PTPRS: variants seen among roughly 807,000 people sequenced by gnomAD.
The protein encoded by PTPRS is receptor-type tyrosine-protein phosphatase S.
A neutral mutation model predicts 215.3 loss-of-function variants in PTPRS; 63 were observed. That is an observed-to-expected ratio of 0.29 (90% confidence interval 0.24 to 0.36). PTPRS has a LOEUF of 0.36. PTPRS is among the 10% of genes least tolerant of loss of function. The pLI, the probability that PTPRS is intolerant of heterozygous loss-of-function variation, is 1.00. For synonymous variants in PTPRS, 1,404 were observed against 1,191.4 expected, an observed-to-expected ratio of 1.18 and a Z score of -3.68; for missense variants, 2,258 against 2,825.8, an observed-to-expected ratio of 0.80 and a Z score of 4.56.
chr19:5,229,226 A>G (rs2042787624), intron 16 of PTPRS, 90 bp downstream of exon 16: 1 of 1,270,610 alleles, frequency 7.9e-7, no homozygotes, highest in Non-Finnish European at 1.0e-6. Context: ...CCGTTTTACT[A>G]CTGATGATAA....
At chr19:5,290,035 G>A (rs771995369) in intron 1 of PTPRS, among the ~76,000 whole-genome samples, 5 of 152,218 alleles carry the variant, frequency 3.3e-5, no homozygotes, top group Non-Finnish European at 5.9e-5. Flanking sequence ...TAAATGACAC[G>A]GCTGTTAGGA....
intron 16 of PTPRS, among the ~76,000 whole-genome samples, chr19:5,226,443 G>A (rs2042505981): frequency 6.6e-6 from 1 of 152,138 alleles, no homozygotes. Context: ...AAATTAAACT[G>A]TACGAGGCTG....
chr19:5,264,163 T>C (rs925762770), intron 5 of PTPRS, among the ~76,000 whole-genome samples: 2 of 36,676 alleles, frequency 5.5e-5, no homozygotes, highest in Non-Finnish European at 1.9e-4. Flanking sequence ...AGCCCCGCCA[T>C]CACCTCTTAC....
At chr19:5,331,849 A>T (rs1325644965) in intron 1 of PTPRS, among the ~76,000 whole-genome samples, 2 of 152,246 alleles carry the variant, frequency 1.3e-5, no homozygotes, top group Non-Finnish European at 2.9e-5. Context: ...ATATTAATAT[A>T]ATCAGAGCCA....
In PTPRS at chr19:5,210,841, G is replaced by C. The variant is rs534373091; in HGVS notation, c.5235-36C>G. 33 of 1,603,226 alleles carry C rather than the reference G, an allele frequency of 2.1e-5. No individual in the cohort carries two copies. The highest frequency in any genetic ancestry group is 2.8e-5 in the Non-Finnish European group (33 of 1,176,598). ...TGGGGGTATGAGCCCAGGGCCGGCA[G>C]GGAGACCCGGCGTGGTACTCACCTG... On this transcript the variant is annotated intron_variant, in intron 33 of 37. Transcript: ENST00000262963. The surrounding 1 kb of genome is among the most constrained non-coding windows in gnomAD (Gnocchi z 4.5).
intron 25 of PTPRS, among the ~76,000 whole-genome samples, chr19:5,217,939 G>A (rs2041632843): frequency 6.6e-6 from 1 of 152,118 alleles, no homozygotes; most frequent in African/African-American, 2.4e-5. Context: ...ATGAACCCTG[G>A]CAGCCATGGT....
chr19:5,256,006 G>T, intron 9 of PTPRS, 102 bp downstream of exon 9: 1 of 879,484 alleles, frequency 1.1e-6, no homozygotes, highest in Non-Finnish European at 1.7e-6. Context: ...GTGTGTCAGC[G>T]TGTGTCCGTG....
intron 1 of PTPRS, among the ~76,000 whole-genome samples, chr19:5,297,474 A>G (rs1600062869): frequency 6.6e-6 from 1 of 152,052 alleles, no homozygotes; most frequent in Non-Finnish European, 1.5e-5. Context: ...TGGAACCAGC[A>G]CTCCTGCCCC....
chr19:5,281,199 G>A (rs1223132314), intron 2 of PTPRS, among the ~76,000 whole-genome samples: 1 of 151,830 alleles, frequency 6.6e-6, no homozygotes, highest in Non-Finnish European at 1.5e-5. Context: ...GGTAGCTCAC[G>A]CCTGTAATCC....
rs1476413127 is a variant in PTPRS, at chr19:5,210,584, T to A, written c.5372A>T (p.His1791Leu). ...AGAGCGCTCGGCCGGCCAGTACTGG[T>A]GACACTTCTCCTGTGGAGGAGATGG... ...KLREMGREKC[H>L]QYWPAERSAR... The change falls in exon 35 of 38, where the codon CAC becomes CTC. Residue 1791 changes from histidine (H) to leucine (L), a missense_variant. His to Leu is a moderately conservative substitution (Grantham distance 99). Transcript: ENST00000262963. The surrounding 1 kb of genome is among the most constrained non-coding windows in gnomAD (Gnocchi z 4.5). The A allele has an allele frequency of 5.0e-6, 8 of 1,614,054 alleles. No homozygotes were observed. In the African/African-American group the frequency reaches 1.1e-4, roughly 22 times the overall value.
In PTPRS at chr19:5,222,697, C is replaced by A; in HGVS notation, c.3095G>T (p.Arg1032Leu). 4.4e-6 allele frequency: 7 copies of A among 1,585,738 alleles called. No homozygotes were observed. Among genetic ancestry groups the A allele is most frequent in the South Asian group, 1.1e-5 (1 of 89,842 alleles). Reference sequence around the variant, plus strand: ...GGTCGCCGCGCGCCTACCTTGGTCCCGCAGGAACGTCCGGTAGCGGACGGG... The same window carrying A: ...GGTCGCCGCGCGCCTACCTTGGTCCAGCAGGAACGTCCGGTAGCGGACGGG... ...SPPVRYRTFL[R>L]DQVSPKNFKV... Residue 1032 changes from arginine to leucine, a missense_variant, in exon 18 of 38, where the codon CGG (arginine) becomes CTG (leucine). By Grantham distance (102) the Arg-to-Leu change is moderately radical. This residue lies in a region of PTPRS where 361 missense variants were observed against 332.6 expected (regional missense o/e 1.09). Coordinates refer to ENST00000262963, the MANE Select transcript of PTPRS (RefSeq NM_002850.4).
intron 3 of PTPRS, 113 bp from the exon 4 acceptor site, chr19:5,273,696 G>A (rs1454844051): frequency 4.7e-6 from 6 of 1,276,428 alleles, no homozygotes; most frequent in Non-Finnish European, 6.5e-6. Context: ...CCATGATCCT[G>A]GGGGTGACTG....
intron 11 of PTPRS, among the ~76,000 whole-genome samples, chr19:5,240,991 G>C (rs2043994566): frequency 1.4e-5 from 2 of 144,856 alleles, no homozygotes; most frequent in Admixed American, 1.4e-4. Flanking sequence ...CAGGGTTCAA[G>C]TGATTCACCT....
rs112838146 is a variant in PTPRS at position 5,277,427 on chromosome 19, G to A, written c.92-3083C>T. The stretch of plus-strand genomic sequence containing the variant: ...TCCCAGCACTCTGGGAGACTGAGGT[G>A]GGTGGATCACGAGGTCAGGAGATCG... On this transcript the variant is annotated intron_variant, in intron 2 of 37. Coordinates refer to ENST00000262963, the MANE Select transcript of PTPRS (RefSeq NM_002850.4). 8.1e-3 allele frequency among the ~76,000 whole-genome samples: 1,226 copies of A among 152,142 alleles called. 6 individuals are homozygous for A. The highest frequency in any genetic ancestry group is 0.013 in the Non-Finnish European group (864 of 67,998).
In PTPRS at chr19:5,222,794, G is replaced by A. The variant is rs1321724793; in HGVS notation, c.2998C>T (p.Leu1000=). 3 of 1,598,562 alleles carry A rather than the reference G, an allele frequency of 1.9e-6. No homozygotes were observed. The highest frequency in any genetic ancestry group is 2.5e-6 in the Non-Finnish European group (3 of 1,178,574). The change falls in exon 18 of 38, where the codon CTG becomes TTG. Residue 1000 remains leucine (L), a synonymous_variant. Transcript: ENST00000262963. ...GAENALTLQG[L]KPDTAYDLQV... is the part of the protein sequence containing the mutation. Reference sequence around the variant, plus strand: ...AGGTCATAGGCCGTGTCGGGCTTCAGGCCCTGCAGCGTGAGCGCGTTCTCC... The same window carrying A: ...AGGTCATAGGCCGTGTCGGGCTTCAAGCCCTGCAGCGTGAGCGCGTTCTCC...
rs1261770115 is a variant in PTPRS, at chr19:5,205,652, G to C, written c.*1122C>G. On this transcript the variant is annotated 3_prime_UTR_variant, in exon 38 of 38. Transcript: ENST00000262963. ...CAAAGAGGAACAACTCGCTTGCTCA[G>C]GGTAGGCGGGTAGAGGGGGGCCTGT... Among the ~76,000 whole-genome samples the C allele has an allele frequency of 6.6e-6, 1 of 152,230 alleles. No homozygotes were observed.
chr19:5,255,831 C>T (rs1015325522), intron 9 of PTPRS, among the ~76,000 whole-genome samples: 2 of 152,238 alleles, frequency 1.3e-5, no homozygotes, highest in African/African-American at 4.8e-5. Flanking sequence ...ATGCAAGCAT[C>T]GCATGTGTGC....
intron 16 of PTPRS, among the ~76,000 whole-genome samples, chr19:5,227,736 C>T (rs1466131795): frequency 6.6e-6 from 1 of 152,142 alleles, no homozygotes; most frequent in African/African-American, 2.4e-5. Context: ...CGATTAACAT[C>T]CCTCTCACTG....
At chr19:5,229,468 C>T (rs1375294118) in intron 15 of PTPRS, 23 bp downstream of exon 15, 5 of 1,394,476 alleles carry the variant, frequency 3.6e-6, no homozygotes, top group Middle Eastern at 2.7e-4. Flanking sequence ...CCGTCCCCGG[C>T]CCCGCCCCGG....
Sources: gnomAD v4.1 joint callset for allele counts (sites outside exome capture counted in the v4.1 genomes callset) on GRCh38, gnomAD v4.1.1 for gene constraint, gnomAD v4.1.1 regional missense constraint, Gnocchi (gnomAD v3.1) non-coding constraint, MANE v1.5 for transcripts, NCBI Gene and HGNC (gene_info 2026-07-23, HGNC 2026-07-21) for gene names.